Variants in TLN2 observed in about 807,000 individuals in gnomAD.
TLN2 encodes the protein talin 2.
Under a neutral mutation model 294.7 loss-of-function variants are expected in TLN2, and 118 were observed. The ratio of observed to expected loss-of-function variants is 0.40; its 90% CI spans 0.34 to 0.47. TLN2 has a LOEUF of 0.47. Among genes scored for constraint, TLN2 ranks in the 20% least tolerant of loss-of-function variants. The probability of loss-of-function intolerance (pLI) is 0.84; values close to 1 mark genes in which losing one functional copy is unlikely to be tolerated. For missense variants in TLN2, 3,083 were observed against 3,282.2 expected (o/e 0.94, Z 1.48); for synonymous variants, 1,431 against 1,304.5 (o/e 1.10, Z -2.09).
At chr15:62,529,168 C>T (rs906159207) in intron 1 of TLN2, among the ~76,000 whole-genome samples, 1 of 151,794 alleles carries the variant, frequency 6.6e-6, no homozygotes, top group Non-Finnish European at 1.5e-5. Flanking sequence ...ATCATGACTC[C>T]CTGCAGCCTC....
chr15:62,435,124 C>T lies in TLN2; in HGVS notation c.-238+44439C>T, dbSNP rs1411839680. On this transcript the variant is annotated intron_variant, in intron 1 of 58. Transcript: ENST00000636159. Reference sequence around the variant, plus strand: ...TTCTTTTTTATGGCTGCATAGTATTCCATGGTGTATATGTTCCACATTTTC... The same window carrying T: ...TTCTTTTTTATGGCTGCATAGTATTTCATGGTGTATATGTTCCACATTTTC... 2.6e-5 allele frequency among the ~76,000 whole-genome samples: 4 copies of T among 152,160 alleles called. No individual in the cohort carries two copies. The East Asian group carries it at 5.8e-4, about 22-fold the overall frequency.
In TLN2 at chr15:62,680,116, G is replaced by A. The variant is rs574025606; in HGVS notation, c.957+4795G>A. 2.0e-4 allele frequency among the ~76,000 whole-genome samples: 31 copies of A among 152,060 alleles called. No homozygotes were observed. In the South Asian group the frequency reaches 6.0e-3, roughly 30 times the overall value. ...CTAACATCAGATAAATTCCCTTAAC[G>A]TTTTTCTTCTTTTTCAAAATCATTT... On this transcript the variant is annotated intron_variant, in intron 11 of 58. Coordinates refer to ENST00000636159, the MANE Select transcript of TLN2 (RefSeq NM_015059.3).
chr15:62,444,299 G>T (rs987094991), intron 1 of TLN2, among the ~76,000 whole-genome samples: 2 of 152,232 alleles, frequency 1.3e-5, no homozygotes, highest in African/African-American at 4.8e-5. Flanking sequence ...CCATGGAGGT[G>T]ACAAATCCCA....
chr15:62,810,817 C>T (rs2066631962), intron 52 of TLN2, among the ~76,000 whole-genome samples: 2 of 152,162 alleles, frequency 1.3e-5, no homozygotes, highest in Admixed American at 6.5e-5. Flanking sequence ...CCCAGAAGAG[C>T]GTTGATGATG....
chr15:62,777,735 GC>G (rs2063822122), intron 43 of TLN2, among the ~76,000 whole-genome samples: 1 of 152,154 alleles, frequency 6.6e-6, no homozygotes, highest in Non-Finnish European at 1.5e-5. Flanking sequence ...ATATGCAAAA[GC>G]CCATAGTAAA....
chr15:62,490,749 G>A (rs1298693329), intron 1 of TLN2, among the ~76,000 whole-genome samples: 4 of 152,066 alleles, frequency 2.6e-5, no homozygotes, highest in Non-Finnish European at 5.9e-5. Context: ...TTCTACACAA[G>A]TCCTCTGTGT....
chr15:62,596,421 T>A (rs2046524383), intron 2 of TLN2, among the ~76,000 whole-genome samples: 2 of 152,182 alleles, frequency 1.3e-5, no homozygotes, highest in Admixed American at 6.5e-5. Flanking sequence ...GTTCTATAAC[T>A]TTTATTTGTT....
chr15:62,800,632 T>C lies in TLN2; in HGVS notation c.6361-21T>C, dbSNP rs761663678. ...ACCTGAGTCACTGCACTATCTGTAT[T>C]CATTCTCCCTTCCTATGCAGGTGAT... On this transcript the variant is annotated intron_variant, in intron 49 of 58. Transcript: ENST00000636159. The C allele has an allele frequency of 1.1e-5, 18 of 1,613,472 alleles. No homozygotes were observed. The African/African-American group carries it at 2.3e-4, about 20-fold the overall frequency.
intron 1 of TLN2, among the ~76,000 whole-genome samples, chr15:62,580,145 C>G (rs953356606): frequency 6.6e-6 from 1 of 152,170 alleles, no homozygotes; most frequent in African/African-American, 2.4e-5. Flanking sequence ...AGCACCACAC[C>G]TCTTTCTCTC....
At chr15:62,823,357 A>T (rs537865970) in intron 54 of TLN2, among the ~76,000 whole-genome samples, 1 of 152,346 alleles carries the variant, frequency 6.6e-6, no homozygotes, top group South Asian at 2.1e-4. Flanking sequence ...CAATTAAAAA[A>T]CAATAACAAC....
chr15:62,565,248 G>A (rs1340606271), intron 1 of TLN2, among the ~76,000 whole-genome samples: 2 of 152,116 alleles, frequency 1.3e-5, no homozygotes, highest in East Asian at 1.9e-4. Flanking sequence ...AAGTATTTAC[G>A]ATATTCTTTT....
intron 2 of TLN2, among the ~76,000 whole-genome samples, chr15:62,608,513 G>C (rs2047639057): frequency 6.6e-6 from 1 of 152,156 alleles, no homozygotes; most frequent in Non-Finnish European, 1.5e-5. Context: ...GTGTCGTAGA[G>C]TAGGAGGAAA....
At chr15:62,578,805 G>C (rs1292697295) in intron 1 of TLN2, among the ~76,000 whole-genome samples, 1 of 152,176 alleles carries the variant, frequency 6.6e-6, no homozygotes, top group Non-Finnish European at 1.5e-5. Flanking sequence ...TTACAGGGGA[G>C]CAGAGTGAGG....
At chr15:62,807,094 T>C (rs1182413836) in intron 51 of TLN2, among the ~76,000 whole-genome samples, 2 of 152,136 alleles carry the variant, frequency 1.3e-5, no homozygotes, top group African/African-American at 2.4e-5. Context: ...GATTCCGCTT[T>C]CACACAGGAC....
intron 20 of TLN2, among the ~76,000 whole-genome samples, 170 bp from the exon 21 acceptor site, chr15:62,708,332 C>A (rs1487989200): frequency 6.6e-6 from 1 of 152,112 alleles, no homozygotes; most frequent in Non-Finnish European, 1.5e-5. Context: ...GAGACTGAAG[C>A]AATGGTTTCA....
chr15:62,739,383 G>A lies in TLN2; in HGVS notation c.3723G>A (p.Gln1241=), dbSNP rs1407113365. ...GCACGAAGCCTTTCCAGGAAGCCCAGAGTGAACTGAACCAGGCAGCAGCTG... is the reference window on the plus strand; with the variant it reads ...GCACGAAGCCTTTCCAGGAAGCCCAAAGTGAACTGAACCAGGCAGCAGCTG... ...PPSTKPFQEA[Q]SELNQAAADL... The change falls in exon 31 of 59, where the codon CAG becomes CAA. Residue 1241 remains glutamine (Q), a synonymous_variant. Coordinates refer to ENST00000636159, the MANE Select transcript of TLN2 (RefSeq NM_015059.3). 6.2e-7 allele frequency: 1 copy of A among 1,614,014 alleles called. No individual in the cohort carries two copies. The highest frequency in any genetic ancestry group is 8.5e-7 in the Non-Finnish European group (1 of 1,180,016).
intron 1 of TLN2, among the ~76,000 whole-genome samples, chr15:62,497,215 T>C (rs1326082573): frequency 6.6e-6 from 1 of 152,138 alleles, no homozygotes; most frequent in East Asian, 1.9e-4. Context: ...GATGAATGAG[T>C]GGGGCTGATG....
intron 3 of TLN2, among the ~76,000 whole-genome samples, chr15:62,628,655 A>G (rs1052989171): frequency 8.5e-5 from 13 of 152,234 alleles, no homozygotes; most frequent in African/African-American, 3.1e-4. Context: ...GCATGGAAAG[A>G]CAATCCAGTT....
chr15:62,585,563 C>T (rs1242049961), intron 1 of TLN2, among the ~76,000 whole-genome samples: 2 of 152,108 alleles, frequency 1.3e-5, no homozygotes, highest in Non-Finnish European at 2.9e-5. Flanking sequence ...TGGTGACAGG[C>T]ATTTTAGGTG....
Sources: allele counts gnomAD v4.1 joint callset (sites outside exome capture counted in the v4.1 genomes callset), GRCh38; gene constraint gnomAD v4.1.1; transcripts MANE v1.5; gene names NCBI Gene and HGNC (gene_info 2026-07-23, HGNC 2026-07-21).